Variants in PHF12 observed in about 807,000 individuals in gnomAD.
PHF12 encodes the protein PHD finger protein 12, also known as PHD factor 1.
PHF12 carries 6 observed loss-of-function variants against 99.8 expected under a neutral mutation model. The ratio of observed to expected loss-of-function variants is 0.06; its 90% CI spans 0.03 to 0.12. The LOEUF (loss-of-function observed/expected upper bound fraction) is 0.12. Among genes scored for constraint, PHF12 ranks in the 10% least tolerant of loss-of-function variants. The pLI, the probability that PHF12 is intolerant of heterozygous loss-of-function variation, is 1.00. For missense variants in PHF12, 954 were observed against 1,300.1 expected (o/e 0.73, Z 4.09); for synonymous variants, 480 against 514.9 (o/e 0.93, Z 0.92).
rs755397016 is a variant in PHF12 at position 28,906,555 on chromosome 17, G to A, written c.2681-38C>T. On this transcript the variant is annotated intron_variant, in intron 14 of 14. Coordinates refer to ENST00000332830, the MANE Select transcript of PHF12 (RefSeq NM_001033561.2). This position sits in a 1 kb window ranked among gnomAD's most constrained non-coding sequence, Gnocchi z 4.2. The stretch of plus-strand genomic sequence containing the variant: ...GGGATGGTCACAGAAGAGGAACAGT[G>A]AGCAGCCAACCCATGTGGGCTGTTT... 2.6e-6 allele frequency: 4 copies of A among 1,557,452 alleles called. No homozygotes were observed. The highest frequency in any genetic ancestry group is 4.5e-5 in the East Asian group (2 of 44,120).
Position 28,908,890 on chromosome 17 carries a change from C to CAA in PHF12, c.2360-11_2360-10dup. 1 of 1,608,336 alleles carries CAA rather than the reference C, an allele frequency of 6.2e-7. No homozygotes were observed. The highest frequency in any genetic ancestry group is 1.1e-5 in the South Asian group (1 of 90,546). On this transcript the variant is annotated splice_polypyrimidine_tract_variant and intron_variant, in intron 11 of 14. Coordinates refer to ENST00000332830, the MANE Select transcript of PHF12 (RefSeq NM_001033561.2). The stretch of plus-strand genomic sequence containing the variant: ...TACCTCCTTTCTTTGCACTACAAGA[C>CAA]AAACATAGGAATAGGATCATTCAGA...
intron 2 of PHF12, among the ~76,000 whole-genome samples, chr17:28,937,067 T>C (rs948119049): frequency 6.6e-6 from 1 of 152,144 alleles, no homozygotes; most frequent in Non-Finnish European, 1.5e-5. Context: ...GAACCAGCCT[T>C]TTATAAACGA....
At chr17:28,928,136 T>A (rs146639893) in intron 2 of PHF12, 19 of 152,346 alleles carry the variant, frequency 1.2e-4, no homozygotes, top group African/African-American at 4.6e-4. Context: ...CAGCTTCAGC[T>A]GAACTCCAAG....
intron 10 of PHF12, 124 bp downstream of exon 10, chr17:28,910,988 A>C: frequency 6.8e-6 from 9 of 1,323,770 alleles, no homozygotes; most frequent in East Asian, 2.5e-5. Flanking sequence ...CCTCATTCCC[A>C]TCTCCCCCTA....
At position 28,950,335 on chromosome 17, in the gene PHF12, C is replaced by G; in HGVS notation, c.67-89G>C. The G allele has an allele frequency of 7.4e-7, 1 of 1,360,072 alleles. No homozygotes were observed. Among genetic ancestry groups the G allele is most frequent in the South Asian group, 1.3e-5 (1 of 74,770 alleles). The allele number at this position is 1,360,072 out of a possible 1,614,324, so 84.3% of individuals were successfully genotyped here. On this transcript the variant is annotated intron_variant, in intron 1 of 14. Transcript: ENST00000332830. The surrounding 1 kb of genome is among the most constrained non-coding windows in gnomAD (Gnocchi z 5.7). ...CGGCGCGGTTTCTCCGTCACCCACC[C>G]CTCTCCCCCCTTTTGTCCTTCTTCC...
chr17:28,933,784 A>G (rs372237328), intron 2 of PHF12, among the ~76,000 whole-genome samples: 1 of 152,206 alleles, frequency 6.6e-6, no homozygotes, highest in African/African-American at 2.4e-5. Context: ...GCTGTAGCTC[A>G]TATCTGTAAT....
At chr17:28,914,066 A>T in intron 7 of PHF12, 29 bp from the exon 8 acceptor site, 1 of 1,571,222 alleles carries the variant, frequency 6.4e-7, no homozygotes, top group Non-Finnish European at 8.7e-7. Flanking sequence ...AGGAGGAAGG[A>T]GAGGGAGATA....
intron 2 of PHF12, among the ~76,000 whole-genome samples, chr17:28,943,107 G>A (rs912517527): frequency 3.6e-4 from 55 of 152,292 alleles, no homozygotes; most frequent in African/African-American, 1.3e-3. Context: ...AAACCATAAT[G>A]TGATACTACT....
chr17:28,950,804 G>A lies in PHF12; in HGVS notation c.66+91C>T, dbSNP rs2040796635. Reference sequence around the variant, plus strand: ...AGAATCCCCCTCCCTCGGCCATCTAGGCGCTTCGAGTTTAGGACTGGCTTT... The same window carrying A: ...AGAATCCCCCTCCCTCGGCCATCTAAGCGCTTCGAGTTTAGGACTGGCTTT... On this transcript the variant is annotated intron_variant, in intron 1 of 14. Coordinates refer to ENST00000332830, the MANE Select transcript of PHF12 (RefSeq NM_001033561.2). The surrounding 1 kb of genome is among the most constrained non-coding windows in gnomAD (Gnocchi z 5.7). The A allele has an allele frequency of 2.6e-6, 4 of 1,544,558 alleles. No homozygotes were observed. The South Asian group carries it at 3.6e-5, about 14-fold the overall frequency.
chr17:28,918,317 C>T (rs780621405), intron 6 of PHF12, among the ~76,000 whole-genome samples: 2 of 152,060 alleles, frequency 1.3e-5, no homozygotes, highest in Non-Finnish European at 2.9e-5. Context: ...CATCAGGAAG[C>T]AAAACAAGAC....
At chr17:28,942,406 A>C (rs2040634481) in intron 2 of PHF12, among the ~76,000 whole-genome samples, 2 of 152,166 alleles carry the variant, frequency 1.3e-5, no homozygotes, top group South Asian at 4.1e-4. Flanking sequence ...CTGTAGTCCC[A>C]GCTACTCAGG....
At chr17:28,941,662 G>C (rs1191378081) in intron 2 of PHF12, among the ~76,000 whole-genome samples, 1 of 151,982 alleles carries the variant, frequency 6.6e-6, no homozygotes, top group African/African-American at 2.4e-5. Flanking sequence ...CCAGGCTAGA[G>C]TGCAATGGCG....
At chr17:28,931,969 T>C (rs1433370505) in intron 2 of PHF12, among the ~76,000 whole-genome samples, 2 of 152,166 alleles carry the variant, frequency 1.3e-5, no homozygotes, top group Non-Finnish European at 2.9e-5. Context: ...CAGTAATATC[T>C]AAGATTAGAT....
Position 28,912,926 on chromosome 17 carries a change from C to T in PHF12, c.1645G>A (p.Gly549Ser), listed in dbSNP as rs748155001. Residue 549 changes from glycine to serine, a missense_variant, in exon 9 of 15, where the codon GGC becomes AGC. Coordinates refer to ENST00000332830, the MANE Select transcript of PHF12 (RefSeq NM_001033561.2). The stretch of plus-strand genomic sequence containing the variant: ...GTAGGGCTGCTGTAGAGGTGTGGGC[C>T]ATTAGCTTTCACCTCTGTGTTCACT... ...GPVNTEVKANGPHLYSSPTDS... is the reference protein window; with the variant it reads ...GPVNTEVKANSPHLYSSPTDS... The T allele has an allele frequency of 4.3e-6, 7 of 1,614,200 alleles. No individual in the cohort carries two copies. The South Asian group carries it at 6.6e-5, about 15-fold the overall frequency.
rs780640886 is a variant in PHF12 at position 28,908,792 on chromosome 17, T to C, written c.2449A>G (p.Ile817Val). ...AVNMCYRTLY[I>V]GTGADMDVCL... is the part of the protein sequence containing the mutation. Reference sequence around the variant, plus strand: ...TTCCTGGCTGGCTCACCTGTCCCGATGTAGAGGGTTCGATAGCACATGTTC... The same window carrying C: ...TTCCTGGCTGGCTCACCTGTCCCGACGTAGAGGGTTCGATAGCACATGTTC... Residue 817 changes from isoleucine (I) to valine (V), a missense_variant, in exon 12 of 15, where the codon ATC becomes GTC. Coordinates refer to ENST00000332830, the MANE Select transcript of PHF12 (RefSeq NM_001033561.2). 3.7e-6 allele frequency: 6 copies of C among 1,613,902 alleles called. No individual in the cohort carries two copies. Among genetic ancestry groups the C allele is most frequent in the Middle Eastern group, 1.6e-4 (1 of 6,074 alleles).
At chr17:28,921,331 TA>T (rs1243396834) in intron 5 of PHF12, among the ~76,000 whole-genome samples, 2 of 152,086 alleles carry the variant, frequency 1.3e-5, no homozygotes, top group Non-Finnish European at 2.9e-5. Flanking sequence ...CCTGGTTCAT[TA>T]AAAAAATTTT....
intron 2 of PHF12, among the ~76,000 whole-genome samples, chr17:28,941,283 A>G (rs1340960971): frequency 1.3e-5 from 2 of 152,076 alleles, no homozygotes; most frequent in Non-Finnish European, 2.9e-5. Context: ...CAGAGTATTA[A>G]TCTATTTTCT....
intron 7 of PHF12, among the ~76,000 whole-genome samples, chr17:28,914,759 T>A (rs2040033588): frequency 6.9e-6 from 1 of 144,718 alleles, no homozygotes; most frequent in Non-Finnish European, 1.5e-5. Flanking sequence ...GTTTCCTTCA[T>A]CCATTCATTC....
intron 2 of PHF12, among the ~76,000 whole-genome samples, chr17:28,946,859 C>T (rs1377641114): frequency 6.6e-6 from 1 of 151,876 alleles, no homozygotes; most frequent in East Asian, 1.9e-4. Context: ...CTTGTACTTT[C>T]CGTATGGAAG....
Sources: gnomAD v4.1 joint callset for allele counts (sites outside exome capture counted in the v4.1 genomes callset) on GRCh38, gnomAD v4.1.1 for gene constraint, Gnocchi (gnomAD v3.1) non-coding constraint, MANE v1.5 for transcripts, NCBI Gene and HGNC (gene_info 2026-07-23, HGNC 2026-07-21) for gene names.